The following GOSR2 variants were observed in gnomAD, a reference collection of about 807,000 sequenced individuals.
GOSR2 encodes the protein 27 kDa Golgi SNARE protein.
A neutral mutation model predicts 27.9 loss-of-function variants in GOSR2; 20 were observed. The observed-to-expected ratio is 0.72, with a 90% CI of 0.50 to 1.04. The LOEUF (loss-of-function observed/expected upper bound fraction) is 1.04. GOSR2 is among the 50% of genes least tolerant of loss of function. GOSR2 has a pLI of 0.00. For synonymous variants in GOSR2, 91 were observed against 98.8 expected, an observed-to-expected ratio of 0.92 and a Z score of 0.47; for missense variants, 261 against 270.5, an observed-to-expected ratio of 0.97 and a Z score of 0.25.
chr17:46,934,991 T>C (rs1475123749), intron 4 of GOSR2, 38 bp from the exon 5 acceptor site: 8 of 1,600,166 alleles, frequency 5.0e-6, no homozygotes, highest in Admixed American at 1.7e-5. Flanking sequence ...AACTGACTGA[T>C]AAGCAAAGTT....
At chr17:46,961,479 GA>G in intron 6 of GOSR2, among the ~76,000 whole-genome samples, 1 of 152,240 alleles carries the variant, frequency 6.6e-6, no homozygotes, top group Non-Finnish European at 1.5e-5. Flanking sequence ...AGGCTGCAGT[GA>G]GCTATGATCA....
Position 46,940,392 on chromosome 17 carries a change from G to T in GOSR2, c.*1632G>T, listed in dbSNP as rs1194900886. On this transcript the variant is annotated 3_prime_UTR_variant, in exon 6 of 6. Transcript: ENST00000640051. ...GCAGTGACTGGAGGGTGGACTGGGG[G>T]GTTGCAGCATCTTTAGACCTAGATC... is the stretch of plus-strand genomic sequence containing the variant. 1.9e-6 allele frequency: 3 copies of T among 1,551,886 alleles called. No homozygotes were observed. Among genetic ancestry groups the T allele is most frequent in the African/African-American group, 2.7e-5 (2 of 73,944 alleles).
rs958696900 is a variant in GOSR2, at chr17:46,960,363, C to A, written c.584-6171C>A. 4.6e-5 allele frequency among the ~76,000 whole-genome samples: 7 copies of A among 152,186 alleles called. No individual in the cohort carries two copies. The South Asian group carries it at 1.5e-3, about 32-fold the overall frequency. Reference sequence around the variant, plus strand: ...AAAATCTGACAATATCAAGTGCTGACGAGGACATAGAGCACCTAGAATGCT... The same window carrying A: ...AAAATCTGACAATATCAAGTGCTGAAGAGGACATAGAGCACCTAGAATGCT... On this transcript the variant is annotated intron_variant, in intron 6 of 6. Transcript: ENST00000573224.
chr17:46,967,993 C>G (rs990238644), downstream of GOSR2, among the ~76,000 whole-genome samples: 1 of 152,088 alleles, frequency 6.6e-6, no homozygotes, highest in Admixed American at 6.5e-5. Context: ...TGCTAGGTGG[C>G]TGGGAAGATG....
At chr17:46,943,118 C>A (rs1473043342), downstream of GOSR2, among the ~76,000 whole-genome samples, 2 of 152,200 alleles carry the variant, frequency 1.3e-5, no homozygotes, top group South Asian at 2.1e-4. Context: ...GCCGATGGCT[C>A]TAATACAAGA....
chr17:46,958,409 G>A (rs945292800), intron 6 of GOSR2, among the ~76,000 whole-genome samples: 1 of 152,228 alleles, frequency 6.6e-6, no homozygotes, highest in Non-Finnish European at 1.5e-5. Flanking sequence ...GGTGGGAAAC[G>A]TGTGTGGGGG....
At chr17:46,943,090 A>G (rs541321359), downstream of GOSR2, among the ~76,000 whole-genome samples, 9 of 152,296 alleles carry the variant, frequency 5.9e-5, no homozygotes, top group South Asian at 1.9e-3. Flanking sequence ...AGGCGATTGT[A>G]ATGCCCAGGG....
intron 6 of GOSR2, among the ~76,000 whole-genome samples, chr17:46,962,821 A>G (rs954095342): frequency 7.9e-5 from 12 of 152,242 alleles, no homozygotes; most frequent in Admixed American, 1.3e-4. Flanking sequence ...TGGCTACCAT[A>G]AAACCAGAAA....
chr17:46,945,949 C>T (rs2089820565), downstream of GOSR2, among the ~76,000 whole-genome samples: 1 of 152,190 alleles, frequency 6.6e-6, no homozygotes, highest in East Asian at 1.9e-4. Context: ...ATGGTGATTT[C>T]TTCCAGGAAA....
intron 6 of GOSR2, among the ~76,000 whole-genome samples, chr17:46,950,122 T>C (rs1040591653): frequency 5.3e-5 from 8 of 152,236 alleles, no homozygotes; most frequent in Non-Finnish European, 1.2e-4. Flanking sequence ...TCATAGGAAC[T>C]TGAGATTCTC....
chr17:46,946,338 G>A (rs1002016129), downstream of GOSR2, among the ~76,000 whole-genome samples: 1 of 150,376 alleles, frequency 6.6e-6, no homozygotes, highest in African/African-American at 2.5e-5. Context: ...GCGCATGCCT[G>A]TAATCCCAGC....
At chr17:46,935,300 A>C in intron 5 of GOSR2, 131 bp downstream of exon 5, 1 of 1,557,118 alleles carries the variant, frequency 6.4e-7, no homozygotes, top group Non-Finnish European at 8.7e-7. Context: ...AGAGCCCTTG[A>C]GTTTGGGATC....
At position 46,923,185 on chromosome 17, in the gene GOSR2, C is replaced by T. The variant is rs1213157574; in HGVS notation, c.-8C>T. 12 of 1,538,948 alleles carry T rather than the reference C, an allele frequency of 7.8e-6. No homozygotes were observed. The highest frequency in any genetic ancestry group is 2.0e-5 in the Admixed American group (1 of 50,996). ...AGAGCCGGAGCCGTGGCCTGCGGGG[C>T]CGGCGACATGGATCCCCTGTTCCAG... On this transcript the variant is annotated 5_prime_UTR_variant, in exon 1 of 6. Coordinates refer to ENST00000640051, the MANE Select transcript of GOSR2 (RefSeq NM_004287.5).
intron 2 of GOSR2, chr17:46,929,794 C>CTA (rs2087037693): frequency 1.8e-6 from 1 of 550,480 alleles, no homozygotes; most frequent in Admixed American, 3.0e-5. Flanking sequence ...CCCCATTACC[C>CTA]CTCCACTCAA....
chr17:46,931,423 C>T, intron 3 of GOSR2: 3 of 582,168 alleles, frequency 5.2e-6, no homozygotes, highest in Non-Finnish European at 3.1e-6. Context: ...AACCTTGTGA[C>T]CCCTTACCTC....
At position 46,934,931 on chromosome 17, in the gene GOSR2, G is replaced by A. The variant is rs770194081; in HGVS notation, c.337-98G>A. 53 of 1,046,624 alleles carry A rather than the reference G, an allele frequency of 5.1e-5. 2 individuals are homozygous for A. The highest frequency in any genetic ancestry group is 7.6e-5 in the South Asian group (6 of 79,076). The allele number at this position is 1,046,624 out of a possible 1,614,324, so 64.8% of individuals were successfully genotyped here. ...CGCTGATTCTTTCACCAGCCCCTCC[G>A]GCTGTTCTGGCTTGGCCTTGGCCAA... On this transcript the variant is annotated intron_variant, in intron 4 of 5. Coordinates refer to ENST00000640051, the MANE Select transcript of GOSR2 (RefSeq NM_004287.5).
At chr17:46,965,305 C>T (rs973629347) in intron 6 of GOSR2, among the ~76,000 whole-genome samples, 1 of 152,200 alleles carries the variant, frequency 6.6e-6, no homozygotes, top group Non-Finnish European at 1.5e-5. Flanking sequence ...TTTTCTGCAT[C>T]CTCCCTGGTG....
intron 6 of GOSR2, among the ~76,000 whole-genome samples, chr17:46,974,109 A>G (rs1464552720): frequency 6.6e-6 from 1 of 152,216 alleles, no homozygotes; most frequent in East Asian, 1.9e-4. Context: ...TTGCTGGTGA[A>G]GGCACAGCTG....
rs1402773318 is a variant in GOSR2 at position 46,941,747 on chromosome 17, T to G, written c.*2987T>G. The G allele has an allele frequency of 5.7e-6, 1 of 175,226 alleles. No individual in the cohort carries two copies. Among genetic ancestry groups the G allele is most frequent in the Non-Finnish European group, 1.1e-5 (1 of 89,396 alleles). 10.9% of individuals were successfully genotyped at this position (175,226 alleles called of 1,614,324 possible). A position where few individuals can be genotyped will look rare whatever the true frequency, so the allele number is the denominator to read the frequency against. ...TGCCACCATGTCTGGCTAATTTTTT[T>G]TTTTTTTTTGTATTTTTTAGTAGAG... On this transcript the variant is annotated 3_prime_UTR_variant, in exon 6 of 6. Coordinates refer to ENST00000640051, the MANE Select transcript of GOSR2 (RefSeq NM_004287.5).
Sources: allele counts gnomAD v4.1 joint callset (sites outside exome capture counted in the v4.1 genomes callset), GRCh38; gene constraint gnomAD v4.1.1; transcripts MANE v1.5; gene names NCBI Gene and HGNC (gene_info 2026-07-23, HGNC 2026-07-21).